ULK4: variants seen among roughly 807,000 people sequenced by gnomAD.
The protein encoded by ULK4 is inactive serine/threonine-protein kinase ULK4.
In ULK4, 133 loss-of-function variants were observed where a neutral mutation model predicts 160.6. The ratio of observed to expected loss-of-function variants is 0.83; its 90% CI spans 0.72 to 0.96. The LOEUF (loss-of-function observed/expected upper bound fraction) is 0.96. Among genes scored for constraint, ULK4 ranks in the 40% least tolerant of loss-of-function variants. The probability of loss-of-function intolerance (pLI) is 0.00; values close to 1 mark genes in which losing one functional copy is unlikely to be tolerated. For missense variants in ULK4, 1,580 were observed against 1,499.5 expected, an observed-to-expected ratio of 1.05 and a Z score of -0.89; for synonymous variants, 534 against 539.8, an observed-to-expected ratio of 0.99 and a Z score of 0.15.
chr3:41,591,438 GGAA>G (rs1218224183), intron 31 of ULK4, among the ~76,000 whole-genome samples: 5 of 151,868 alleles, frequency 3.3e-5, no homozygotes, highest in Non-Finnish European at 5.9e-5. Flanking sequence ...GGGCCACACT[GGAA>G]GAAGAATTGT....
chr3:41,861,832 T>C (rs2042503863), intron 17 of ULK4, among the ~76,000 whole-genome samples: 3 of 152,164 alleles, frequency 2.0e-5, no homozygotes, highest in African/African-American at 7.2e-5. Context: ...TCTTGTTTTT[T>C]CTTTTTTGAG....
At chr3:41,655,228 GGACATA>G (rs2034888702) in intron 30 of ULK4, among the ~76,000 whole-genome samples, 1 of 151,748 alleles carries the variant, frequency 6.6e-6, no homozygotes, top group African/African-American at 2.4e-5. Flanking sequence ...TCCTTTGCAG[GGACATA>G]GATGAAGCTG....
At chr3:41,856,564 C>CGT (rs2042355682) in intron 17 of ULK4, among the ~76,000 whole-genome samples, 2 of 69,030 alleles carry the variant, frequency 2.9e-5, no homozygotes, top group South Asian at 3.9e-4. Flanking sequence ...TATATATACA[C>CGT]ATATATATAT....
chr3:41,741,362 A>G (rs1377098366), intron 22 of ULK4, among the ~76,000 whole-genome samples: 2 of 151,942 alleles, frequency 1.3e-5, no homozygotes, highest in Non-Finnish European at 2.9e-5. Context: ...TAATTAATAT[A>G]TAACTCTGCT....
rs999439289 is a variant in ULK4 at position 41,740,087 on chromosome 3, T to C, written c.2321+14274A>G. On this transcript the variant is annotated intron_variant, in intron 22 of 36. Transcript: ENST00000301831. ...ATTGCTCTTCTTCTCAGAAAAGCTT[T>C]CTTTGCCCATATTTAAACATATTTT... Among the ~76,000 whole-genome samples, 2 of 151,864 alleles carry C rather than the reference T, an allele frequency of 1.3e-5. 1 individual carries two copies. Among genetic ancestry groups the C allele is most frequent in the African/African-American group, 4.9e-5 (2 of 41,156 alleles).
At chr3:41,335,019 G>C (rs150252349) in intron 35 of ULK4, among the ~76,000 whole-genome samples, 2 of 152,214 alleles carry the variant, frequency 1.3e-5, no homozygotes, top group East Asian at 3.9e-4. Context: ...ATGAAAGAGA[G>C]AAAGGTCAAC....
intron 22 of ULK4, among the ~76,000 whole-genome samples, chr3:41,754,032 A>G (rs1303694743): frequency 1.3e-5 from 2 of 152,102 alleles, no homozygotes; most frequent in African/African-American, 2.4e-5. Context: ...AATGGGGGAA[A>G]CCACTCCCAT....
intron 31 of ULK4, among the ~76,000 whole-genome samples, chr3:41,572,186 C>T (rs1054600353): frequency 2.0e-5 from 3 of 152,164 alleles, no homozygotes; most frequent in Non-Finnish European, 2.9e-5. Flanking sequence ...AGAAACCTTG[C>T]CCCTAATCAC....
chr3:41,908,589 G>T (rs1698661447), intron 11 of ULK4, among the ~76,000 whole-genome samples: 1 of 151,950 alleles, frequency 6.6e-6, no homozygotes, highest in African/African-American at 2.4e-5. Context: ...GGGATTACAA[G>T]TGCCCGCCAC....
intron 21 of ULK4, among the ~76,000 whole-genome samples, chr3:41,758,417 G>A (rs1390047647): frequency 6.6e-6 from 1 of 151,978 alleles, no homozygotes; most frequent in South Asian, 2.1e-4. Flanking sequence ...CATCAAAAAG[G>A]TCCAAGTCAC....
intron 35 of ULK4, among the ~76,000 whole-genome samples, chr3:41,353,546 T>C (rs1200825439): frequency 6.6e-6 from 1 of 151,946 alleles, no homozygotes; most frequent in Non-Finnish European, 1.5e-5. Context: ...CTCATGACTG[T>C]AGTCCTAGCT....
intron 29 of ULK4, among the ~76,000 whole-genome samples, chr3:41,667,318 TTC>T (rs1275137861): frequency 1.3e-5 from 2 of 152,196 alleles, no homozygotes; most frequent in Non-Finnish European, 2.9e-5. Context: ...AAGAATATCG[TTC>T]TGTTTTCCTC....
intron 32 of ULK4, among the ~76,000 whole-genome samples, chr3:41,504,238 C>A (rs1037196389): frequency 6.6e-6 from 1 of 152,290 alleles, no homozygotes; most frequent in African/African-American, 2.4e-5. Context: ...CATGTCCTAT[C>A]TGCTAACTGT....
At chr3:41,767,100 C>A (rs1037526088) in intron 21 of ULK4, among the ~76,000 whole-genome samples, 1 of 152,078 alleles carries the variant, frequency 6.6e-6, no homozygotes. Context: ...TACTCATTAG[C>A]AGGTGGATAA....
At chr3:41,555,775 C>T (rs933956621) in intron 32 of ULK4, among the ~76,000 whole-genome samples, 3 of 152,114 alleles carry the variant, frequency 2.0e-5, no homozygotes, top group African/African-American at 7.2e-5. Flanking sequence ...ATCTAAATGC[C>T]CATCAATGAT....
chr3:41,721,780 T>C (rs541084760), intron 22 of ULK4, among the ~76,000 whole-genome samples: 74 of 152,254 alleles, frequency 4.9e-4, no homozygotes, highest in Admixed American at 1.2e-3. Flanking sequence ...AAATGCTGAG[T>C]GCAAGGCAAA....
At chr3:41,676,662 C>T (rs10510725) in intron 29 of ULK4, among the ~76,000 whole-genome samples, 3,475 of 152,108 alleles carry the variant, frequency 0.023, 116 homozygotes, top group African/African-American at 0.073. Context: ...CAGAGGCTAT[C>T]CCTATCTTGG....
intron 32 of ULK4, among the ~76,000 whole-genome samples, chr3:41,529,160 A>G (rs1441945514): frequency 6.6e-6 from 1 of 152,218 alleles, no homozygotes; most frequent in African/African-American, 2.4e-5. Flanking sequence ...ACTTCATGTC[A>G]AATTCAAGCA....
chr3:41,879,588 C>T (rs1356518234), intron 17 of ULK4, among the ~76,000 whole-genome samples: 2 of 152,206 alleles, frequency 1.3e-5, no homozygotes, highest in East Asian at 3.9e-4. Context: ...CTCAACCTCC[C>T]AGGGTCATGT....
Sources: allele counts gnomAD v4.1 joint callset (sites outside exome capture counted in the v4.1 genomes callset), GRCh38; gene constraint gnomAD v4.1.1; transcripts MANE v1.5; gene names NCBI Gene and HGNC (gene_info 2026-07-23, HGNC 2026-07-21).